LAPTM4B: variants seen among roughly 807,000 people sequenced by gnomAD.
LAPTM4B encodes the protein lysosomal protein transmembrane 4 beta.
LAPTM4B carries 26 observed loss-of-function variants against 28.5 expected under a neutral mutation model. That is an observed-to-expected ratio of 0.91 (90% CI 0.67 to 1.27). The LOEUF (loss-of-function observed/expected upper bound fraction) is 1.27, where lower values mean the gene tolerates loss of function less well. Ranked by LOEUF, LAPTM4B falls within the 50% of genes most tolerant of loss-of-function variation. The pLI, the probability that LAPTM4B is intolerant of heterozygous loss-of-function variation, is 0.00. For synonymous variants in LAPTM4B, 109 were observed against 106.4 expected (o/e 1.02, Z -0.15); for missense variants, 288 against 285.8 (o/e 1.01, Z -0.06).
At chr8:97,794,793 A>G (rs915933793) in intron 1 of LAPTM4B, among the ~76,000 whole-genome samples, 46 of 152,138 alleles carry the variant, frequency 3.0e-4, no homozygotes, top group African/African-American at 1.1e-3. Context: ...GGCTCACTGC[A>G]ACCTCCACCT....
At chr8:97,781,315 T>G (rs1298216921) in intron 1 of LAPTM4B, among the ~76,000 whole-genome samples, 1 of 120,692 alleles carries the variant, frequency 8.3e-6, no homozygotes, top group African/African-American at 3.3e-5. Context: ...GTTTTGCTCT[T>G]ATTGCTCAGG....
At chr8:97,800,484 C>CTTTTT (rs546425169) in intron 1 of LAPTM4B, among the ~76,000 whole-genome samples, 17 of 69,326 alleles carry the variant, frequency 2.5e-4, no homozygotes, top group African/African-American at 9.7e-4. Context: ...CCCTTGACCT[C>CTTTTT]TTTTTTTTTT....
chr8:97,820,718 T>TG (rs1361950302), intron 5 of LAPTM4B, among the ~76,000 whole-genome samples: 1 of 151,214 alleles, frequency 6.6e-6, no homozygotes, highest in East Asian at 2.0e-4. Context: ...GGTGACAGAG[T>TG]GAGACCCCGT....
intron 6 of LAPTM4B, among the ~76,000 whole-genome samples, chr8:97,848,909 CTTTG>C (rs1817470702): frequency 3.3e-5 from 5 of 152,116 alleles, no homozygotes; most frequent in Non-Finnish European, 5.9e-5. Flanking sequence ...ACAGCTGTTG[CTTTG>C]TTTTAGAGAA....
At chr8:97,849,793 C>A (rs1473983484) in intron 6 of LAPTM4B, among the ~76,000 whole-genome samples, 1 of 151,240 alleles carries the variant, frequency 6.6e-6, no homozygotes, top group Admixed American at 6.6e-5. Flanking sequence ...AAAGCCGCCA[C>A]CCCCCCTCCT....
chr8:97,776,480 C>G (rs576246961), intron 1 of LAPTM4B, among the ~76,000 whole-genome samples: 1 of 152,244 alleles, frequency 6.6e-6, no homozygotes, highest in East Asian at 1.9e-4. Context: ...TTCTTAAAGC[C>G]CGTGGGCTTT....
Position 97,792,560 on chromosome 8 carries a change from G to T in LAPTM4B, c.100-12793G>T, listed in dbSNP as rs541045995. The stretch of plus-strand genomic sequence containing the variant: ...GTGAGCCGCCGTGCCTAGCCTAACA[G>T]TCAATTTTTTTTTTATTTTTTATTT... On this transcript the variant is annotated intron_variant, in intron 1 of 6. Transcript: ENST00000521545. 2.0e-5 allele frequency among the ~76,000 whole-genome samples: 3 copies of T among 151,918 alleles called. No homozygotes were observed. The East Asian group carries it at 5.8e-4, about 29-fold the overall frequency.
chr8:97,812,217 G>GTTTTTTTT (rs71271157), intron 2 of LAPTM4B, among the ~76,000 whole-genome samples: 7 of 93,304 alleles, frequency 7.5e-5, no homozygotes, highest in Non-Finnish European at 1.2e-4. Context: ...TTTTTTTTTT[G>GTTTTTTTT]TTGTTTTTTG....
intron 6 of LAPTM4B, among the ~76,000 whole-genome samples, chr8:97,838,506 C>T (rs1329814954): frequency 6.6e-6 from 1 of 152,184 alleles, no homozygotes; most frequent in Non-Finnish European, 1.5e-5. Context: ...CTATTAATTC[C>T]TGTGTTGCAA....
intron 4 of LAPTM4B, among the ~76,000 whole-genome samples, chr8:97,817,328 G>A (rs1416771843): frequency 6.6e-6 from 1 of 151,886 alleles, no homozygotes; most frequent in Non-Finnish European, 1.5e-5. Context: ...TGTAGAGATG[G>A]GGTTTCACCA....
intron 5 of LAPTM4B, among the ~76,000 whole-genome samples, chr8:97,820,214 C>T (rs1327001869): frequency 1.3e-5 from 2 of 151,876 alleles, no homozygotes; most frequent in East Asian, 3.8e-4. Context: ...ATCATTATAA[C>T]TTGTGCTTAT....
At chr8:97,780,183 C>G (rs1284594837) in intron 1 of LAPTM4B, among the ~76,000 whole-genome samples, 1 of 151,714 alleles carries the variant, frequency 6.6e-6, no homozygotes, top group Non-Finnish European at 1.5e-5. Flanking sequence ...CCAGCACTTT[C>G]GGAGACTGAG....
chr8:97,849,659 T>G (rs1346462911), intron 6 of LAPTM4B, among the ~76,000 whole-genome samples: 1 of 152,200 alleles, frequency 6.6e-6, no homozygotes, highest in East Asian at 1.9e-4. Flanking sequence ...TGCTGGCCAG[T>G]TATCGGCTTC....
chr8:97,794,854 C>T (rs934562276), intron 1 of LAPTM4B, among the ~76,000 whole-genome samples: 21 of 152,174 alleles, frequency 1.4e-4, no homozygotes, highest in Non-Finnish European at 2.6e-4. Context: ...GCTGGGATTA[C>T]AGGCACCCGC....
At position 97,816,132 on chromosome 8, in the gene LAPTM4B, C is replaced by G; in HGVS notation, c.360C>G (p.Ile120Met). Residue 120 changes from isoleucine to methionine, a missense_variant, in exon 4 of 7, where the codon ATC becomes ATG. Transcript: ENST00000521545. ...FDFALNMLVA[I>M]TVLIYPNSIQ... Reference sequence around the variant, plus strand: ...TTGCCCTGAACATGTTGGTTGCAATCACTGTGCTTATTTATCCAAACTCCA... The same window carrying G: ...TTGCCCTGAACATGTTGGTTGCAATGACTGTGCTTATTTATCCAAACTCCA... 6.2e-7 allele frequency: 1 copy of G among 1,613,880 alleles called. No homozygotes were observed. The highest frequency in any genetic ancestry group is 8.5e-7 in the Non-Finnish European group (1 of 1,179,846).
intron 6 of LAPTM4B, among the ~76,000 whole-genome samples, chr8:97,841,619 C>T (rs545373495): frequency 1.1e-4 from 17 of 152,296 alleles, no homozygotes; most frequent in Admixed American, 2.0e-4. Flanking sequence ...TGAGCCACTG[C>T]GACCAGATAT....
intron 2 of LAPTM4B, among the ~76,000 whole-genome samples, chr8:97,813,389 C>T (rs946151394): frequency 1.1e-4 from 16 of 152,262 alleles, no homozygotes; most frequent in African/African-American, 3.9e-4. Context: ...TTCATCTTCT[C>T]CTACCTGCTT....
intron 3 of LAPTM4B, 46 bp downstream of exon 3, chr8:97,815,447 C>G (rs77374095): frequency 1.6e-6 from 2 of 1,284,902 alleles, no homozygotes; most frequent in African/African-American, 1.5e-5. Flanking sequence ...TGGTCTCTTA[C>G]ATGTGTAATC....
intron 1 of LAPTM4B, among the ~76,000 whole-genome samples, chr8:97,791,115 A>G (rs1816490175): frequency 6.6e-6 from 1 of 152,062 alleles, no homozygotes. Context: ...TTGTTTGCCC[A>G]GTCTGGTCTC....
Sources: gnomAD v4.1 joint callset for allele counts (sites outside exome capture counted in the v4.1 genomes callset) on GRCh38, gnomAD v4.1.1 for gene constraint, MANE v1.5 for transcripts, NCBI Gene and HGNC (gene_info 2026-07-23, HGNC 2026-07-21) for gene names.